Variants in BTG4 observed in about 807,000 individuals in gnomAD.
BTG4 encodes protein BTG4.
BTG4 carries 10 observed loss-of-function variants against 19.3 expected under a neutral mutation model. The observed-to-expected ratio is 0.52, with a 90% CI of 0.32 to 0.88. BTG4 has a LOEUF of 0.88. Among genes scored for constraint, BTG4 ranks in the 40% least tolerant of loss-of-function variants. The pLI, the probability that BTG4 is intolerant of heterozygous loss-of-function variation, is 0.04. For synonymous variants in BTG4, 91 were observed against 95.7 expected, an observed-to-expected ratio of 0.95 and a Z score of 0.29; for missense variants, 238 against 281.9, an observed-to-expected ratio of 0.84 and a Z score of 1.11.
At chr11:111,509,116 G>A (rs1025280398) in intron 1 of BTG4, among the ~76,000 whole-genome samples, 1 of 151,994 alleles carries the variant, frequency 6.6e-6, no homozygotes, top group African/African-American at 2.4e-5. Context: ...TTAAGAATCT[G>A]GTGCACTCTT....
At chr11:111,455,348 G>T in the BTG4 span, 1 of 285,206 alleles carries the variant, frequency 3.5e-6, no homozygotes, top group South Asian at 3.5e-5. Flanking sequence ...TGGCTGTAGC[G>T]CCTGCAGGTG....
Position 111,498,680 on chromosome 11 carries a change from T to C in BTG4, c.97A>G (p.Lys33Glu), listed in dbSNP as rs776867031. The C allele has an allele frequency of 8.7e-6, 14 of 1,613,790 alleles. No individual in the cohort carries two copies. In the South Asian group the frequency reaches 1.1e-4, roughly 13 times the overall value. ...SKQQIEDFAE[K>E]LMTILFETYR... Reference sequence around the variant, plus strand: ...GTTTCAAACAAGATCGTCATCAGCTTTTCTGCAAAGTCTTCTATTTGCTGT... The same window carrying C: ...GTTTCAAACAAGATCGTCATCAGCTCTTCTGCAAAGTCTTCTATTTGCTGT... Residue 33 changes from lysine (K) to glutamate (E), a missense_variant, in exon 2 of 5, where the codon AAG becomes GAG. Coordinates refer to ENST00000692032, the MANE Select transcript of BTG4 (RefSeq NM_001367975.1).
chr11:111,452,569 G>A, the BTG4 span: 1 of 152,220 alleles, frequency 6.6e-6, no homozygotes, highest in East Asian at 1.9e-4. Context: ...CTGCTCCTGG[G>A]GCTTTGAGTA....
chr11:111,454,324 A>G, the BTG4 span: 1 of 456,064 alleles, frequency 2.2e-6, no homozygotes, highest in Non-Finnish European at 4.4e-6. Context: ...AGTCTCTGTC[A>G]GTGACAGCCA....
At chr11:111,509,667 G>C (rs1866721809) in intron 1 of BTG4, among the ~76,000 whole-genome samples, 1 of 151,642 alleles carries the variant, frequency 6.6e-6, no homozygotes, top group Non-Finnish European at 1.5e-5. Context: ...CTGCACTCCA[G>C]CTTGGGCAAT....
chr11:111,410,198 C>G, the BTG4 span, among the ~76,000 whole-genome samples: 3 of 150,084 alleles, frequency 2.0e-5, no homozygotes, highest in Non-Finnish European at 4.4e-5. Context: ...TTTTTTTATA[C>G]AGGGTTTTGG....
intron 1 of BTG4, among the ~76,000 whole-genome samples, chr11:111,504,530 G>C (rs966681518): frequency 3.3e-5 from 5 of 151,922 alleles, no homozygotes; most frequent in African/African-American, 1.2e-4. Context: ...TTGTTTGAAA[G>C]ACCACAAAAA....
chr11:111,514,443 T>C (rs1867141520), upstream of BTG4: 1 of 324,010 alleles, frequency 3.1e-6, no homozygotes, highest in African/African-American at 2.1e-5. Context: ...GGCTGAGGAA[T>C]TTAAAGTTTA....
chr11:111,386,378 C>T, the BTG4 span: 1 of 152,158 alleles, frequency 6.6e-6, no homozygotes, highest in East Asian at 1.9e-4. Flanking sequence ...TACGACCTTT[C>T]AATAAATGAT....
At chr11:111,492,101 A>G (rs181946605), downstream of BTG4, among the ~76,000 whole-genome samples, 14 of 152,306 alleles carry the variant, frequency 9.2e-5, 1 homozygote, top group Middle Eastern at 6.8e-3. Context: ...TATAATGGTC[A>G]TCTCAAGTAC....
the BTG4 span, among the ~76,000 whole-genome samples, chr11:111,439,235 G>C: frequency 6.6e-6 from 1 of 152,178 alleles, no homozygotes; most frequent in Non-Finnish European, 1.5e-5. Context: ...ATGGGTTCTG[G>C]AACTCTTGCT....
At chr11:111,426,034 G>A in the BTG4 span, among the ~76,000 whole-genome samples, 139,992 of 152,148 alleles carry the variant, frequency 0.92, 64,767 homozygotes, top group East Asian at 1. Context: ...TCGTCTCAAA[G>A]AAAGAAAAAA....
chr11:111,442,720 ACT>A, the BTG4 span, among the ~76,000 whole-genome samples: 1 of 144,834 alleles, frequency 6.9e-6, no homozygotes, highest in African/African-American at 2.5e-5. Flanking sequence ...AAAAAAAAAA[ACT>A]CTCTATCTAA....
chr11:111,496,118 G>A (rs1198566458), intron 4 of BTG4, among the ~76,000 whole-genome samples: 1 of 152,114 alleles, frequency 6.6e-6, no homozygotes, highest in East Asian at 1.9e-4. Flanking sequence ...AAATTTGTAG[G>A]GCAGTAGGTG....
chr11:111,476,103 A>T (rs1864382666), intron 5 of BTG4, among the ~76,000 whole-genome samples: 1 of 149,126 alleles, frequency 6.7e-6, no homozygotes, highest in Non-Finnish European at 1.5e-5. Flanking sequence ...CAGCCAAACC[A>T]TATCATGCAC....
the BTG4 span, among the ~76,000 whole-genome samples, chr11:111,437,017 C>A: frequency 6.6e-6 from 1 of 152,170 alleles, no homozygotes; most frequent in South Asian, 2.1e-4. Context: ...GCCCTGTCTG[C>A]GGAGACTTTT....
At chr11:111,416,129 A>G in the BTG4 span, 148,446 of 152,246 alleles carry the variant, frequency 0.98, 72,516 homozygotes, top group East Asian at 1. Flanking sequence ...GGGCAGCCTA[A>G]GGTGTCTTTA....
At chr11:111,463,197 TGAG>T (rs571222162), downstream of BTG4, 2 of 152,652 alleles carry the variant, frequency 1.3e-5, no homozygotes, top group Non-Finnish European at 2.9e-5. Context: ...TGGACTTGGC[TGAG>T]GAGATCTGTA....
Position 111,497,244 on chromosome 11 carries a change from A to C in BTG4, c.477T>G (p.Ile159Met), listed in dbSNP as rs1240949542. The change falls in exon 4 of 5, where the codon ATT becomes ATG. Residue 159 changes from isoleucine (I) to methionine (M), a missense_variant. Transcript: ENST00000692032. ...EESCSKEPRV[I>M]PKVSNPKSIY... ...TACTCTTCGGATTGCTGACTTTAGG[A>C]ATGACACGAGGTTCCTTGCTACAAC... The C allele has an allele frequency of 6.2e-7, 1 of 1,613,392 alleles. No homozygotes were observed. The highest frequency in any genetic ancestry group is 8.5e-7 in the Non-Finnish European group (1 of 1,179,674).
Sources: gnomAD v4.1 joint callset for allele counts (sites outside exome capture counted in the v4.1 genomes callset) on GRCh38, gnomAD v4.1.1 for gene constraint, MANE v1.5 for transcripts, NCBI Gene and HGNC (gene_info 2026-07-23, HGNC 2026-07-21) for gene names.